Variants in LDHA observed in about 807,000 individuals in gnomAD.
LDHA encodes lactate dehydrogenase A, also known as L-lactate dehydrogenase A chain.
A neutral mutation model predicts 36.3 loss-of-function variants in LDHA; 10 were observed. The ratio of observed to expected loss-of-function variants is 0.28; its 90% CI spans 0.17 to 0.47. The LOEUF (loss-of-function observed/expected upper bound fraction) is 0.47, where lower values mean the gene tolerates loss of function less well. Among genes scored for constraint, LDHA ranks in the 20% least tolerant of loss-of-function variants. LDHA has a pLI of 0.99. For synonymous variants in LDHA, 110 were observed against 136.7 expected (o/e 0.80, Z 1.36); for missense variants, 267 against 405.8 (o/e 0.66, Z 2.94).
Position 18,398,249 on chromosome 11 carries a change from CT to C in LDHA, c.127-1181del, listed in dbSNP as rs55770432. Reference sequence around the variant, plus strand: ...TGGACCTATGAACTTTGAGTTGCAACTATAAGGATATTTTTTGCCAGTATTA... The same window carrying C: ...TGGACCTATGAACTTTGAGTTGCAACATAAGGATATTTTTTGCCAGTATTA... On this transcript the variant is annotated intron_variant, in intron 2 of 7. Transcript: ENST00000422447. Among the ~76,000 whole-genome samples the C allele has an allele frequency of 2.3e-3, 357 of 152,258 alleles. 1 individual carries two copies. Among genetic ancestry groups the C allele is most frequent in the Non-Finnish European group, 4.0e-3 (275 of 68,036 alleles).
At position 18,405,625 on chromosome 11, in the gene LDHA, A is replaced by G. The variant is rs558820257; in HGVS notation, c.834+53A>G. 8.8e-6 allele frequency: 14 copies of G among 1,584,368 alleles called. No homozygotes were observed. In the Admixed American group the frequency reaches 1.7e-4, roughly 19 times the overall value. ...TTGAATGCTTTTTGCTGGCTTTTTA[A>G]AAAAGATTCTTCTGAGAAAGATTAA... is the stretch of plus-strand genomic sequence containing the variant. On this transcript the variant is annotated intron_variant, in intron 7 of 7. Transcript: ENST00000422447.
At chr11:18,405,412 CT>C (rs769677845) in intron 6 of LDHA, 36 bp from the exon 7 acceptor site, 2 of 1,610,138 alleles carry the variant, frequency 1.2e-6, no homozygotes, top group Non-Finnish European at 8.5e-7. Context: ...TCCCACCCTG[CT>C]TTTTCTGCCT....
chr11:18,408,002 T>C lies in LDHA; in HGVS notation c.*721T>C. 2.2e-6 allele frequency: 1 copy of C among 454,156 alleles called. No homozygotes were observed. The highest frequency in any genetic ancestry group is 4.4e-6 in the Non-Finnish European group (1 of 226,798). The allele number at this position is 454,156 out of a possible 1,614,324, so 28.1% of individuals were successfully genotyped here. ...AATAGCAGAGGATGTAATAGTCAAC[T>C]GAGTTGTATTGGTACCACTTCCATT... is the stretch of plus-strand genomic sequence containing the variant. On this transcript the variant is annotated 3_prime_UTR_variant, in exon 8 of 8. Coordinates refer to ENST00000422447, the MANE Select transcript of LDHA (RefSeq NM_005566.4).
At chr11:18,406,587 G>T (rs1866690517) in intron 7 of LDHA, 1 of 153,826 alleles carries the variant, frequency 6.5e-6, no homozygotes, top group Admixed American at 6.5e-5. Context: ...GTGGTGGCAG[G>T]CGCCTGTAAT....
chr11:18,405,307 A>AC, intron 6 of LDHA, 142 bp from the exon 7 acceptor site: 1 of 815,160 alleles, frequency 1.2e-6, no homozygotes, highest in Non-Finnish European at 2.1e-6. Context: ...ATCCTAGCAT[A>AC]CATGTGTGCA....
intron 6 of LDHA, 67 bp downstream of exon 6, chr11:18,403,878 A>C: frequency 1.0e-6 from 1 of 955,316 alleles, no homozygotes; most frequent in Non-Finnish European, 1.7e-6. Flanking sequence ...AAAGGTTAAA[A>C]TTGTAATAGT....
intron 4 of LDHA, 97 bp downstream of exon 4, chr11:18,401,107 TAAA>T (rs1401746894): frequency 2.1e-6 from 1 of 478,028 alleles, no homozygotes; most frequent in Non-Finnish European, 3.1e-6. Context: ...TGAAATATTT[TAAA>T]AAATACATTT....
intron 4 of LDHA, among the ~76,000 whole-genome samples, chr11:18,402,234 C>T (rs999456469): frequency 6.0e-5 from 9 of 150,790 alleles, no homozygotes; most frequent in African/African-American, 2.4e-5. Flanking sequence ...GGATTACAGG[C>T]GTGAGCCACC....
At chr11:18,396,404 C>T (rs1050005895) in intron 1 of LDHA, 4 of 411,808 alleles carry the variant, frequency 9.7e-6, no homozygotes, top group Non-Finnish European at 1.3e-5. Context: ...TGGGCTTGAG[C>T]TTTGTGGCAG....
chr11:18,396,226 C>T (rs1866293639), intron 1 of LDHA: 2 of 294,420 alleles, frequency 6.8e-6, no homozygotes, highest in East Asian at 1.1e-4. Context: ...AATGCGCATG[C>T]GCACGCGCAC....
rs1401738446 is a variant in LDHA, at chr11:18,408,057, A to C, written c.*776A>C. On this transcript the variant is annotated 3_prime_UTR_variant, in exon 8 of 8. Coordinates refer to ENST00000422447, the MANE Select transcript of LDHA (RefSeq NM_005566.4). ...GTCCCAAAGTATTATATATTTGATAATAATGCTAATCATAATTGGAAAGTA... is the reference window on the plus strand; with the variant it reads ...GTCCCAAAGTATTATATATTTGATACTAATGCTAATCATAATTGGAAAGTA... 1 of 453,974 alleles carries C rather than the reference A, an allele frequency of 2.2e-6. No homozygotes were observed. 28.1% of individuals were successfully genotyped at this position (453,974 alleles called of 1,614,324 possible).
chr11:18,394,649 C>G lies in LDHA; in HGVS notation c.-25+13C>G. 2.2e-6 allele frequency: 1 copy of G among 453,972 alleles called. No individual in the cohort carries two copies. The highest frequency in any genetic ancestry group is 4.4e-6 in the Non-Finnish European group (1 of 226,714). The allele number at this position is 453,972 out of a possible 1,614,324, so 28.1% of individuals were successfully genotyped here. Reference sequence around the variant, plus strand: ...ACGTGCATTCCCGGTACGGTAGGGCCCTGCGCGCACGGCGCCAGAGGGATG... The same window carrying G: ...ACGTGCATTCCCGGTACGGTAGGGCGCTGCGCGCACGGCGCCAGAGGGATG... On this transcript the variant is annotated intron_variant, in intron 1 of 7. Transcript: ENST00000422447.
chr11:18,397,155 A>G (rs1444433185), intron 2 of LDHA, 187 bp downstream of exon 2: 11 of 556,654 alleles, frequency 2.0e-5, no homozygotes, highest in Non-Finnish European at 3.2e-5. Context: ...CTGAAATTAA[A>G]AAGAATCAAA....
Position 18,400,956 on chromosome 11 carries a change from C to T in LDHA, c.364C>T (p.Pro122Ser). 1 of 1,613,302 alleles carries T rather than the reference C, an allele frequency of 6.2e-7. No individual in the cohort carries two copies. The highest frequency in any genetic ancestry group is 1.1e-5 in the South Asian group (1 of 91,052). Residue 122 changes from proline (P) to serine (S), a missense_variant, in exon 4 of 8, where the codon CCT becomes TCT. Pro to Ser is a moderately conservative substitution (Grantham distance 74). Coordinates refer to ENST00000422447, the MANE Select transcript of LDHA (RefSeq NM_005566.4). ...CGTGAACATCTTTAAATTCATCATT[C>T]CTAATGTTGTAAAATACAGCCCGAA... ...RNVNIFKFII[P>S]NVVKYSPNCK... is the part of the protein sequence containing the mutation.
chr11:18,397,417 C>A (rs1352288122), intron 2 of LDHA: 1 of 153,848 alleles, frequency 6.5e-6, no homozygotes, highest in African/African-American at 2.4e-5. Flanking sequence ...AATTATGGAG[C>A]TAAAATTTAA....
chr11:18,396,547 G>C, intron 1 of LDHA: 1 of 1,333,768 alleles, frequency 7.5e-7, no homozygotes. Context: ...AATAAACCGC[G>C]ATGGGTGAAC....
In LDHA at chr11:18,407,940, C is replaced by T. The variant is rs1422164120; in HGVS notation, c.*659C>T. 2.2e-6 allele frequency: 1 copy of T among 453,994 alleles called. No individual in the cohort carries two copies. Among genetic ancestry groups the T allele is most frequent in the Non-Finnish European group, 4.4e-6 (1 of 226,790 alleles). 28.1% of individuals were successfully genotyped at this position (453,994 alleles called of 1,614,324 possible). A position where few individuals can be genotyped will look rare whatever the true frequency, so the allele number is the denominator to read the frequency against. ...AAATATTAGGCTATTCTTGGGCAACCCTGCAACGATTTTTTCTAACAGGGA... is the reference window on the plus strand; with the variant it reads ...AAATATTAGGCTATTCTTGGGCAACTCTGCAACGATTTTTTCTAACAGGGA... On this transcript the variant is annotated 3_prime_UTR_variant, in exon 8 of 8. Coordinates refer to ENST00000422447, the MANE Select transcript of LDHA (RefSeq NM_005566.4).
At chr11:18,405,652 A>C in intron 7 of LDHA, 80 bp downstream of exon 7, 1 of 1,461,286 alleles carries the variant, frequency 6.8e-7, no homozygotes, top group Non-Finnish European at 9.6e-7. Flanking sequence ...AAAGATTAAT[A>C]CAAGTCTTCC....
chr11:18,405,422 C>T, intron 6 of LDHA, 27 bp from the exon 7 acceptor site: 1 of 1,611,632 alleles, frequency 6.2e-7, no homozygotes, highest in Non-Finnish European at 8.5e-7. Context: ...CTTTTTCTGC[C>T]TTTACCTATG....
Sources: gnomAD v4.1 joint callset for allele counts (sites outside exome capture counted in the v4.1 genomes callset) on GRCh38, gnomAD v4.1.1 for gene constraint, MANE v1.5 for transcripts, NCBI Gene and HGNC (gene_info 2026-07-23, HGNC 2026-07-21) for gene names.